MROH7: variants seen among roughly 807,000 people sequenced by gnomAD.
The protein encoded by MROH7 is maestro heat like repeat family member 7.
MROH7 carries 113 observed loss-of-function variants against 129.2 expected under a neutral mutation model. The ratio of observed to expected loss-of-function variants is 0.87; its 90% CI spans 0.75 to 1.02. The LOEUF is 1.02. Among genes scored for constraint, MROH7 ranks in the 50% least tolerant of loss-of-function variants. The pLI is 0.00. For synonymous variants in MROH7, 655 were observed against 667.9 expected (o/e 0.98, Z 0.30); for missense variants, 1,601 against 1,671.3 (o/e 0.96, Z 0.73).
At chr1:54,674,220 A>G (rs1557707202) in intron 10 of MROH7, 69 bp downstream of exon 10, 3 of 1,545,432 alleles carry the variant, frequency 1.9e-6, no homozygotes, top group Non-Finnish European at 2.6e-6. Context: ...TCAATAAAGA[A>G]TCAGCTGGAG....
intron 14 of MROH7, among the ~76,000 whole-genome samples, chr1:54,684,689 G>A (rs1569945544): frequency 6.6e-6 from 1 of 152,168 alleles, no homozygotes. Flanking sequence ...AAAGTACAAG[G>A]GCTTTGAGTC....
At chr1:54,701,054 C>G in intron 18 of MROH7, 89 bp from the exon 19 acceptor site, 21 of 1,435,854 alleles carry the variant, frequency 1.5e-5, no homozygotes, top group Non-Finnish European at 2.0e-5. Context: ...ATTGGGCCAC[C>G]AAGTTCATTT....
chr1:54,653,332 G>A lies in MROH7; in HGVS notation c.406G>A (p.Ala136Thr). Residue 136 changes from alanine to threonine, a missense_variant, in exon 3 of 24, where the codon GCC (alanine) becomes ACC (threonine). Ala to Thr is a moderately conservative substitution (Grantham distance 58). Coordinates refer to ENST00000421030, the MANE Select transcript of MROH7 (RefSeq NM_001039464.4). ...CATTCTGAGCCCTAGCTCTACTGAG[G>A]CCCCTCGTCTGAGCTCTGGGAACCA... ...NPILSPSSTE[A>T]PRLSSGNHPQ... is the part of the protein sequence containing the mutation. 6.2e-7 allele frequency: 1 copy of A among 1,614,170 alleles called. No individual in the cohort carries two copies. Among genetic ancestry groups the A allele is most frequent in the Non-Finnish European group, 8.5e-7 (1 of 1,180,032 alleles).
At position 54,653,322 on chromosome 1, in the gene MROH7, C is replaced by T. The variant is rs1271345184; in HGVS notation, c.396C>T (p.Ser132=). ...CCTCAAACCCCATTCTGAGCCCTAG[C>T]TCTACTGAGGCCCCTCGTCTGAGCT... is the stretch of plus-strand genomic sequence containing the variant. ...CPASNPILSP[S]STEAPRLSSG... Residue 132 remains serine (S), a synonymous_variant, in exon 3 of 24, where the codon AGC becomes AGT. Coordinates refer to ENST00000421030, the MANE Select transcript of MROH7 (RefSeq NM_001039464.4). 1 of 1,614,214 alleles carries T rather than the reference C, an allele frequency of 6.2e-7. No individual in the cohort carries two copies. The highest frequency in any genetic ancestry group is 8.5e-7 in the Non-Finnish European group (1 of 1,180,036).
intron 1 of MROH7, among the ~76,000 whole-genome samples, chr1:54,642,806 G>C (rs116136388): frequency 6.6e-6 from 1 of 151,244 alleles, no homozygotes; most frequent in Non-Finnish European, 1.5e-5. Context: ...GTAGTGACGC[G>C]GTTTTGCCAT....
intron 1 of MROH7, among the ~76,000 whole-genome samples, chr1:54,643,842 G>A (rs1163675899): frequency 1.3e-5 from 2 of 152,158 alleles, no homozygotes; most frequent in Non-Finnish European, 2.9e-5. Context: ...ATTATAGAAT[G>A]TGTGGTTGAG....
chr1:54,706,027 G>A (rs1184961500), intron 21 of MROH7, among the ~76,000 whole-genome samples: 4 of 152,068 alleles, frequency 2.6e-5, no homozygotes, highest in Non-Finnish European at 2.9e-5. Context: ...CCTAATGTAC[G>A]AGTAAGCCCT....
intron 7 of MROH7, among the ~76,000 whole-genome samples, chr1:54,671,993 A>T (rs1644910459): frequency 6.6e-6 from 1 of 152,020 alleles, no homozygotes; most frequent in Non-Finnish European, 1.5e-5. Context: ...GTTAAAGAAG[A>T]GCTAATTAGC....
intron 12 of MROH7, 94 bp from the exon 13 acceptor site, chr1:54,679,797 C>G: frequency 1.6e-6 from 2 of 1,257,212 alleles, no homozygotes; most frequent in Non-Finnish European, 2.2e-6. Flanking sequence ...TGTCCTCTAG[C>G]CTGTCACCCC....
intron 14 of MROH7, among the ~76,000 whole-genome samples, chr1:54,685,768 G>C (rs1194511341): frequency 6.6e-6 from 1 of 152,154 alleles, no homozygotes; most frequent in African/African-American, 2.4e-5. Flanking sequence ...GGCCCAGGGT[G>C]AAGAGGCCAG....
Position 54,653,352 on chromosome 1 carries a change from G to T in MROH7, c.426G>T (p.Gly142=). The T allele has an allele frequency of 1.9e-6, 3 of 1,614,162 alleles. No homozygotes were observed. Among genetic ancestry groups the T allele is most frequent in the Non-Finnish European group, 1.7e-6 (2 of 1,180,028 alleles). ...CTGAGGCCCCTCGTCTGAGCTCTGG[G>T]AACCACCCTCAGTCAAATTCTGAAG... ...SSTEAPRLSS[G]NHPQSNSEDA... is the part of the protein sequence containing the mutation. The change falls in exon 3 of 24, where the codon GGG becomes GGT. Residue 142 remains glycine, a synonymous_variant. Coordinates refer to ENST00000421030, the MANE Select transcript of MROH7 (RefSeq NM_001039464.4).
At position 54,673,172 on chromosome 1, in the gene MROH7, A is replaced by G. The variant is rs1644928368; in HGVS notation, c.1681A>G (p.Lys561Glu). The G allele has an allele frequency of 6.2e-7, 1 of 1,613,308 alleles. No homozygotes were observed. The highest frequency in any genetic ancestry group is 8.5e-7 in the Non-Finnish European group (1 of 1,179,580). Residue 561 changes from lysine (K) to glutamate (E), a missense_variant, in exon 8 of 24, where the codon AAG becomes GAG. Transcript: ENST00000421030. ...FIEDPTPAGL[K>E]SILEALGPWM... ...CGAGGACCCCACTCCTGCTGGGCTG[A>G]AGAGCATCTTGGAGGTGCGGAGATG...
chr1:54,687,235 A>G (rs1249220220), intron 15 of MROH7, among the ~76,000 whole-genome samples: 1 of 152,036 alleles, frequency 6.6e-6, no homozygotes, highest in Non-Finnish European at 1.5e-5. Context: ...CACCATGCCC[A>G]GCTAATTGTT....
chr1:54,643,046 C>T (rs1486197773), intron 1 of MROH7, among the ~76,000 whole-genome samples: 1 of 152,140 alleles, frequency 6.6e-6, no homozygotes, highest in Non-Finnish European at 1.5e-5. Flanking sequence ...CTGAACCTTC[C>T]CTGTGTGCCA....
At chr1:54,696,720 G>A (rs2101191963) in intron 17 of MROH7, among the ~76,000 whole-genome samples, 1 of 127,420 alleles carries the variant, frequency 7.8e-6, no homozygotes, top group South Asian at 2.6e-4. Context: ...TGCCCAGGTT[G>A]GAGTGCAGTG....
chr1:54,695,722 A>T, intron 17 of MROH7: 2 of 570,490 alleles, frequency 3.5e-6, no homozygotes, highest in Non-Finnish European at 6.5e-6. Flanking sequence ...GGGAACCACC[A>T]ACCTTTGCTG....
intron 10 of MROH7, among the ~76,000 whole-genome samples, chr1:54,675,439 A>G (rs1244752740): frequency 6.6e-6 from 1 of 152,102 alleles, no homozygotes; most frequent in African/African-American, 2.4e-5. Flanking sequence ...CTTGATCTCT[A>G]GCATTTGGGA....
At chr1:54,688,738 C>T (rs1365053804) in intron 15 of MROH7, among the ~76,000 whole-genome samples, 3 of 152,160 alleles carry the variant, frequency 2.0e-5, no homozygotes, top group Non-Finnish European at 2.9e-5. Flanking sequence ...TGCTCATGCT[C>T]GTAGGTGCCG....
intron 17 of MROH7, chr1:54,699,163 C>CTTTCTTTCT (rs1557727275): frequency 9.5e-4 from 82 of 85,942 alleles, no homozygotes; most frequent in Middle Eastern, 5.8e-3. Flanking sequence ...TCTTTCTTTT[C>CTTTCTTTCT]TTTCTTTCTT....
Sources: gnomAD v4.1 joint callset for allele counts (sites outside exome capture counted in the v4.1 genomes callset) on GRCh38, gnomAD v4.1.1 for gene constraint, MANE v1.5 for transcripts, NCBI Gene and HGNC (gene_info 2026-07-23, HGNC 2026-07-21) for gene names.